HSF5: variants seen among roughly 807,000 people sequenced by gnomAD.
The protein encoded by HSF5 is heat shock transcription factor 5.
In HSF5, 5 loss-of-function variants were observed where a neutral mutation model predicts 50.8. The ratio of observed to expected loss-of-function variants is 0.10; its 90% CI spans 0.05 to 0.21. HSF5 has a LOEUF of 0.21. Among genes scored for constraint, HSF5 ranks in the 10% least tolerant of loss-of-function variants. The pLI, the probability that HSF5 is intolerant of heterozygous loss-of-function variation, is 1.00. For synonymous variants in HSF5, 307 were observed against 307.4 expected, an observed-to-expected ratio of 1.00 and a Z score of 0.02; for missense variants, 564 against 762.6, an observed-to-expected ratio of 0.74 and a Z score of 3.07.
intron 4 of HSF5, among the ~76,000 whole-genome samples, chr17:58,460,476 TATACACACACAC>T (rs1183769670): frequency 3.5e-5 from 4 of 114,740 alleles, no homozygotes; most frequent in Admixed American, 1.7e-4. Flanking sequence ...TATACATATA[TATACACACACAC>T]ACACACACAC....
At chr17:58,480,478 T>C (rs1053676184) in intron 1 of HSF5, among the ~76,000 whole-genome samples, 6 of 152,170 alleles carry the variant, frequency 3.9e-5, no homozygotes, top group Admixed American at 2.6e-4. Context: ...CTCAGTGCGA[T>C]AGTCATAAAA....
At chr17:58,429,403 A>G (rs1292499545) in intron 5 of HSF5, among the ~76,000 whole-genome samples, 1 of 152,206 alleles carries the variant, frequency 6.6e-6, no homozygotes, top group Non-Finnish European at 1.5e-5. Context: ...ATAGCGAGGC[A>G]TGGTGGCCCA....
At chr17:58,481,038 C>T (rs2143808093) in intron 1 of HSF5, among the ~76,000 whole-genome samples, 1 of 152,336 alleles carries the variant, frequency 6.6e-6, no homozygotes, top group East Asian at 1.9e-4. Flanking sequence ...CCTGCCTTTG[C>T]CTCCCAAAGT....
rs780837180 is a variant in HSF5, at chr17:58,487,903, G to A, written c.372C>T (p.Leu124=). The A allele has an allele frequency of 1.2e-6, 2 of 1,610,680 alleles. No homozygotes were observed. Among genetic ancestry groups the A allele is most frequent in the Non-Finnish European group, 8.5e-7 (1 of 1,179,282 alleles). Residue 124 remains leucine, a synonymous_variant, in exon 1 of 6, where the codon CTC becomes CTT. Transcript: ENST00000323777. ...PHFRRDQPQL[L]VHLKRLTSAN... The stretch of plus-strand genomic sequence containing the variant: ...CGCTGGTGAGGCGCTTGAGGTGCAC[G>A]AGCAGCTGTGGCTGGTCGCGGCGGA...
chr17:58,474,579 A>G (rs1032521941), intron 2 of HSF5, among the ~76,000 whole-genome samples: 1 of 152,236 alleles, frequency 6.6e-6, no homozygotes, highest in African/African-American at 2.4e-5. Flanking sequence ...ATCAAGCTAA[A>G]ATAAAATATT....
At chr17:58,444,222 T>A (rs559518103) in intron 5 of HSF5, among the ~76,000 whole-genome samples, 1 of 152,134 alleles carries the variant, frequency 6.6e-6, no homozygotes, top group East Asian at 1.9e-4. Context: ...AATAGAAAAA[T>A]TCATACTAAA....
intron 4 of HSF5, 33 bp downstream of exon 4, chr17:58,462,749 G>A (rs3803753): frequency 0.21 from 318,770 of 1,546,486 alleles, 34,390 homozygotes; most frequent in Non-Finnish European, 0.22. Flanking sequence ...GGTACTTTGA[G>A]CTTTATAAGC....
chr17:58,488,107 C>G lies in HSF5; in HGVS notation c.168G>C (p.Pro56=), dbSNP rs1168060251. Residue 56 remains proline (P), a synonymous_variant, in exon 1 of 6, where the codon CCG becomes CCC. Coordinates refer to ENST00000323777, the MANE Select transcript of HSF5 (RefSeq NM_001080439.3). This position sits in a 1 kb window ranked among gnomAD's most constrained non-coding sequence, Gnocchi z 4.1. ...CCCCCGCAGTCCCGCCACCGCCCCC[C>G]GGCCCGGGCGGGCTGAGCAGCTCGG... The part of the protein sequence containing the change: ...FEAELLSPPG[P]GGGGGTAGAG... 7.6e-6 allele frequency: 12 copies of G among 1,572,066 alleles called. No homozygotes were observed. Among genetic ancestry groups the G allele is most frequent in the Non-Finnish European group, 1.0e-5 (12 of 1,167,188 alleles).
chr17:58,475,358 C>A (rs1434826435), intron 2 of HSF5, among the ~76,000 whole-genome samples: 5 of 152,160 alleles, frequency 3.3e-5, no homozygotes, highest in African/African-American at 1.2e-4. Context: ...TAAAACTGAG[C>A]ATCATCTTTC....
intron 5 of HSF5, among the ~76,000 whole-genome samples, chr17:58,458,017 T>G (rs575705139): frequency 2.0e-3 from 305 of 152,350 alleles, no homozygotes; most frequent in Non-Finnish European, 1.2e-3. Context: ...TTTTTCAAAT[T>G]ATTGTAGGTT....
Position 58,487,831 on chromosome 17 carries a change from C to T in HSF5, c.444G>A (p.Pro148=). 1 of 1,580,024 alleles carries T rather than the reference C, an allele frequency of 6.3e-7. No individual in the cohort carries two copies. Reference sequence around the variant, plus strand: ...TGAGCAGCCGCTGGAAGCGGTTGGGCGGGCGGCAGGGCACCTCCAGGCCGG... The same window carrying T: ...TGAGCAGCCGCTGGAAGCGGTTGGGTGGGCGGCAGGGCACCTCCAGGCCGG... ...LAAGLEVPCR[P]PNRFQRLLIT... Residue 148 remains proline (P), a synonymous_variant, in exon 1 of 6, where the codon CCG becomes CCA. Coordinates refer to ENST00000323777, the MANE Select transcript of HSF5 (RefSeq NM_001080439.3).
chr17:58,478,280 A>AATAAAT (rs397965766), intron 2 of HSF5, among the ~76,000 whole-genome samples: 17,891 of 132,252 alleles, frequency 0.14, 1,264 homozygotes, highest in East Asian at 0.23. Flanking sequence ...AAAATAAATA[A>AATAAAT]ATATATATAT....
intron 5 of HSF5, among the ~76,000 whole-genome samples, chr17:58,433,654 T>C (rs1974390771): frequency 6.6e-6 from 1 of 152,148 alleles, no homozygotes. Flanking sequence ...GAAGAAAGCA[T>C]TTCAGGAAGG....
At chr17:58,434,754 T>C (rs947358749) in intron 5 of HSF5, among the ~76,000 whole-genome samples, 6 of 152,034 alleles carry the variant, frequency 3.9e-5, no homozygotes, top group African/African-American at 1.4e-4. Flanking sequence ...CTCAGGAGGC[T>C]GAGATGGGAG....
intron 5 of HSF5, among the ~76,000 whole-genome samples, chr17:58,438,751 C>T (rs541251095): frequency 5.9e-5 from 9 of 152,112 alleles, no homozygotes; most frequent in Non-Finnish European, 1.0e-4. Context: ...TGGTTGACAA[C>T]TTATTGACTA....
chr17:58,458,828 A>G lies in HSF5; in HGVS notation c.1660T>C (p.Leu554=), dbSNP rs1432450677. 1 of 1,614,010 alleles carries G rather than the reference A, an allele frequency of 6.2e-7. No individual in the cohort carries two copies. Among genetic ancestry groups the G allele is most frequent in the East Asian group, 2.2e-5 (1 of 44,882 alleles). ...TCTCTGTATCTGGCTGGAGTGGCTA[A>G]ACCTGTGTCTTCACTAGGCTTGCTA... ...PASKPSEDTG[L]ATPARYREHR... Residue 554 remains leucine (L), a synonymous_variant, in exon 5 of 6, where the codon TTA becomes CTA. Coordinates refer to ENST00000323777, the MANE Select transcript of HSF5 (RefSeq NM_001080439.3).
chr17:58,470,015 T>G (rs1322336168), intron 2 of HSF5, among the ~76,000 whole-genome samples: 1 of 152,172 alleles, frequency 6.6e-6, no homozygotes, highest in Non-Finnish European at 1.5e-5. Flanking sequence ...TACTCCAGAA[T>G]AGTATAATGT....
intron 5 of HSF5, among the ~76,000 whole-genome samples, chr17:58,456,166 TACACAC>T (rs750773079): frequency 5.4e-4 from 77 of 141,390 alleles, no homozygotes; most frequent in East Asian, 2.4e-3. Context: ...TGTGTGTATA[TACACAC>T]ACACACACAC....
chr17:58,473,225 G>A (rs1974972209), intron 2 of HSF5, among the ~76,000 whole-genome samples: 1 of 152,068 alleles, frequency 6.6e-6, no homozygotes, highest in South Asian at 2.1e-4. Flanking sequence ...TATTTAAAGA[G>A]TACTAAGAAC....
Sources: gnomAD v4.1 joint callset for allele counts (sites outside exome capture counted in the v4.1 genomes callset) on GRCh38, gnomAD v4.1.1 for gene constraint, Gnocchi (gnomAD v3.1) non-coding constraint, MANE v1.5 for transcripts, NCBI Gene and HGNC (gene_info 2026-07-23, HGNC 2026-07-21) for gene names.